SRRM4: variants seen among roughly 807,000 people sequenced by gnomAD.
SRRM4 encodes serine/arginine repetitive matrix protein 4.
SRRM4 carries 33 observed loss-of-function variants against 68.9 expected under a neutral mutation model. That is an observed-to-expected ratio of 0.48 (90% CI 0.36 to 0.64). SRRM4 has a LOEUF of 0.64. Among genes scored for constraint, SRRM4 ranks in the 30% least tolerant of loss-of-function variants. The pLI, the probability that SRRM4 is intolerant of heterozygous loss-of-function variation, is 0.00. For synonymous variants in SRRM4, 318 were observed against 318.8 expected, an observed-to-expected ratio of 1.00 and a Z score of 0.03; for missense variants, 817 against 827.1, an observed-to-expected ratio of 0.99 and a Z score of 0.15.
At chr12:119,039,144 C>T (rs1795038691) in intron 1 of SRRM4, among the ~76,000 whole-genome samples, 1 of 152,208 alleles carries the variant, frequency 6.6e-6, no homozygotes, top group South Asian at 2.1e-4. Context: ...GCTCTCATCA[C>T]CAAACTGGGG....
At chr12:119,015,982 C>T (rs903934588) in intron 1 of SRRM4, among the ~76,000 whole-genome samples, 7 of 151,912 alleles carry the variant, frequency 4.6e-5, no homozygotes, top group Admixed American at 6.5e-5. Context: ...TTGGAAACTG[C>T]GTCACTGTGG....
intron 1 of SRRM4, among the ~76,000 whole-genome samples, chr12:119,016,415 T>C (rs1233716186): frequency 6.6e-6 from 1 of 151,166 alleles, no homozygotes; most frequent in Non-Finnish European, 1.5e-5. Context: ...CAAAGTGTGG[T>C]TTTTGCCCTC....
chr12:119,099,542 A>C (rs1954066044), intron 1 of SRRM4, among the ~76,000 whole-genome samples: 1 of 152,256 alleles, frequency 6.6e-6, no homozygotes, highest in South Asian at 2.1e-4. Flanking sequence ...ATAACTGTGT[A>C]ACAAATTATT....
chr12:119,089,176 G>C (rs985268791), intron 1 of SRRM4, among the ~76,000 whole-genome samples: 1 of 152,118 alleles, frequency 6.6e-6, no homozygotes, highest in African/African-American at 2.4e-5. Context: ...CCATGTGGTC[G>C]GGAGGGTGCT....
rs183459549 is a variant in SRRM4, at chr12:119,110,703, G to A, written c.279-3575G>A. 5.3e-4 allele frequency among the ~76,000 whole-genome samples: 80 copies of A among 152,250 alleles called. 1 individual carries two copies. Among genetic ancestry groups the A allele is most frequent in the Non-Finnish European group, 8.1e-4 (55 of 68,014 alleles). ...TGCAATATTAGGGTGGGAGTGTCCC[G>A]ATTTTCCAGGTACCCTCTGTCACGG... On this transcript the variant is annotated intron_variant, in intron 2 of 12. Coordinates refer to ENST00000267260, the MANE Select transcript of SRRM4 (RefSeq NM_194286.4).
chr12:119,097,140 C>T (rs551881586), intron 1 of SRRM4, among the ~76,000 whole-genome samples: 3 of 151,982 alleles, frequency 2.0e-5, no homozygotes, highest in African/African-American at 7.3e-5. Context: ...TTTTTAAATG[C>T]GATATAGAAG....
intron 1 of SRRM4, among the ~76,000 whole-genome samples, chr12:119,052,418 A>C (rs1244454965): frequency 4.0e-5 from 6 of 151,224 alleles, no homozygotes; most frequent in Admixed American, 6.5e-5. Context: ...GAGATGTATA[A>C]AATGTAAACT....
intron 1 of SRRM4, among the ~76,000 whole-genome samples, chr12:119,096,841 C>A (rs1954048849): frequency 6.6e-6 from 1 of 152,178 alleles, no homozygotes; most frequent in Admixed American, 6.5e-5. Flanking sequence ...GCTCAGTGAG[C>A]AAGAGCTTTG....
At chr12:119,062,370 C>T (rs983545572) in intron 1 of SRRM4, among the ~76,000 whole-genome samples, 9 of 152,160 alleles carry the variant, frequency 5.9e-5, no homozygotes, top group African/African-American at 1.9e-4. Context: ...TTAAGCTACG[C>T]TCAATTTATT....
chr12:118,987,281 T>G (rs1241726760), intron 1 of SRRM4, among the ~76,000 whole-genome samples: 2 of 152,162 alleles, frequency 1.3e-5, no homozygotes, highest in African/African-American at 2.4e-5. Flanking sequence ...CAGATCTCCA[T>G]AAAGCAGATG....
intron 8 of SRRM4, 80 bp from the exon 9 acceptor site, chr12:119,145,301 C>T (rs1299259333): frequency 8.9e-6 from 11 of 1,229,296 alleles, no homozygotes; most frequent in East Asian, 2.7e-5. Flanking sequence ...TGCATCATGA[C>T]GGTAAACATT....
intron 1 of SRRM4, among the ~76,000 whole-genome samples, chr12:119,015,009 A>G (rs1162072998): frequency 1.3e-5 from 2 of 152,248 alleles, no homozygotes; most frequent in Non-Finnish European, 2.9e-5. Flanking sequence ...ATCCAACAAA[A>G]GGGGAATTAA....
At chr12:119,113,931 G>A (rs1954160724) in intron 2 of SRRM4, among the ~76,000 whole-genome samples, 1 of 152,096 alleles carries the variant, frequency 6.6e-6, no homozygotes, top group Non-Finnish European at 1.5e-5. Flanking sequence ...GGAGGGAGGG[G>A]GCTGAACGGC....
intron 1 of SRRM4, among the ~76,000 whole-genome samples, chr12:119,089,403 A>T (rs953799507): frequency 2.6e-5 from 4 of 151,982 alleles, no homozygotes; most frequent in African/African-American, 9.7e-5. Flanking sequence ...TTTCCTATCA[A>T]CTCCTTATTC....
At chr12:119,072,345 C>A (rs930184323) in intron 1 of SRRM4, among the ~76,000 whole-genome samples, 1 of 152,138 alleles carries the variant, frequency 6.6e-6, no homozygotes, top group African/African-American at 2.4e-5. Context: ...TAAAAATAGC[C>A]CCTTCCTCTC....
chr12:119,096,811 T>C (rs1954048724), intron 1 of SRRM4, among the ~76,000 whole-genome samples: 2 of 152,172 alleles, frequency 1.3e-5, no homozygotes, highest in Non-Finnish European at 2.9e-5. Context: ...AGAACTTTGT[T>C]GGGAGCAGCT....
intron 2 of SRRM4, among the ~76,000 whole-genome samples, chr12:119,109,955 T>C (rs945856447): frequency 1.5e-5 from 2 of 129,724 alleles, no homozygotes; most frequent in Non-Finnish European, 3.4e-5. Context: ...ATCTTTGTGG[T>C]TTTATCAGCC....
intron 4 of SRRM4, 91 bp from the exon 5 acceptor site, chr12:119,120,159 C>A: frequency 1.3e-6 from 1 of 796,398 alleles, no homozygotes; most frequent in Non-Finnish European, 2.0e-6. Context: ...CTCCTTCTCT[C>A]CCTCTCTCCA....
chr12:119,034,036 C>T (rs1025916363), intron 1 of SRRM4, among the ~76,000 whole-genome samples: 5 of 152,120 alleles, frequency 3.3e-5, no homozygotes, highest in African/African-American at 7.2e-5. Context: ...GGGTCTGAGA[C>T]GGAAATTAGC....
Sources: gnomAD v4.1 joint callset for allele counts (sites outside exome capture counted in the v4.1 genomes callset) on GRCh38, gnomAD v4.1.1 for gene constraint, MANE v1.5 for transcripts, NCBI Gene and HGNC (gene_info 2026-07-23, HGNC 2026-07-21) for gene names.